Variants in KLHL1 observed in about 807,000 individuals in gnomAD.
KLHL1 encodes kelch like family member 1, also known as kelch-like protein 1.
Under a neutral mutation model 77.7 loss-of-function variants are expected in KLHL1, and 47 were observed. That is an observed-to-expected ratio of 0.60 (90% confidence interval 0.48 to 0.77). The LOEUF (loss-of-function observed/expected upper bound fraction) is 0.77. Ranked by LOEUF, KLHL1 falls within the 30% of genes least tolerant of loss-of-function variation. The pLI is 0.00. For synonymous variants in KLHL1, 360 were observed against 325.2 expected (o/e 1.11, Z -1.15); for missense variants, 925 against 910.8 (o/e 1.02, Z -0.20).
chr13:69,810,401 G>A (rs1329482221), intron 6 of KLHL1, among the ~76,000 whole-genome samples: 1 of 151,912 alleles, frequency 6.6e-6, no homozygotes, highest in East Asian at 1.9e-4. Flanking sequence ...CAAACCATAC[G>A]AATACATGTA....
At chr13:69,913,212 C>G (rs1291974637) in intron 4 of KLHL1, among the ~76,000 whole-genome samples, 1 of 152,136 alleles carries the variant, frequency 6.6e-6, no homozygotes, top group East Asian at 1.9e-4. Flanking sequence ...TCAAACTGGA[C>G]TCCAAGTCAC....
At chr13:69,780,704 A>ATATG (rs1876109934) in intron 7 of KLHL1, among the ~76,000 whole-genome samples, 6 of 43,692 alleles carry the variant, frequency 1.4e-4, no homozygotes, top group South Asian at 7.1e-4. Flanking sequence ...ATATATATGT[A>ATATG]TATATATATA....
intron 1 of KLHL1, among the ~76,000 whole-genome samples, chr13:70,050,670 C>T (rs547359722): frequency 1.3e-5 from 2 of 151,992 alleles, no homozygotes; most frequent in African/African-American, 4.8e-5. Flanking sequence ...TATGATGATG[C>T]AAACTTCTGC....
intron 6 of KLHL1, among the ~76,000 whole-genome samples, chr13:69,805,337 G>C (rs76197643): frequency 0.011 from 1,602 of 151,964 alleles, 28 homozygotes; most frequent in African/African-American, 0.037. Flanking sequence ...CCAGCATTTT[G>C]CTTGCTATTA....
In KLHL1 at chr13:70,108,300, C is replaced by T. The variant is rs554504010; in HGVS notation, c.-601G>A. The T allele has an allele frequency of 3.7e-5, 13 of 351,088 alleles. No homozygotes were observed. Among genetic ancestry groups the T allele is most frequent in the African/African-American group, 2.5e-4 (12 of 47,784 alleles). The allele number at this position is 351,088 out of a possible 1,614,324, so 21.7% of individuals were successfully genotyped here. On this transcript the variant is annotated 5_prime_UTR_variant, in exon 1 of 11. Transcript: ENST00000377844. The stretch of plus-strand genomic sequence containing the variant: ...TTTCGAGGATGCCCCGATAGCCTGC[C>T]GGGTGGCTCTGAGAAAGTCAATTGC...
chr13:70,101,949 G>T (rs1446358947), intron 1 of KLHL1, among the ~76,000 whole-genome samples: 2 of 105,436 alleles, frequency 1.9e-5, no homozygotes, highest in Admixed American at 8.6e-5. Context: ...GGATAAAGTA[G>T]CAAAAAAAAA....
intron 4 of KLHL1, among the ~76,000 whole-genome samples, chr13:69,900,508 C>T (rs1032364204): frequency 1.3e-5 from 2 of 152,130 alleles, no homozygotes; most frequent in Non-Finnish European, 2.9e-5. Flanking sequence ...AATCCACTTA[C>T]GAATATGTGC....
At chr13:69,877,220 A>G (rs1393486864) in intron 5 of KLHL1, among the ~76,000 whole-genome samples, 1 of 152,168 alleles carries the variant, frequency 6.6e-6, no homozygotes, top group Non-Finnish European at 1.5e-5. Context: ...AAAGCCATTC[A>G]TTAGAAAATA....
At chr13:70,012,919 T>A (rs1885573543) in intron 1 of KLHL1, among the ~76,000 whole-genome samples, 1 of 151,610 alleles carries the variant, frequency 6.6e-6, no homozygotes, top group Non-Finnish European at 1.5e-5. Context: ...ATAATAATAA[T>A]AAATAAATAT....
chr13:69,805,280 T>C (rs1299150258), intron 6 of KLHL1, among the ~76,000 whole-genome samples: 1 of 151,982 alleles, frequency 6.6e-6, no homozygotes, highest in Non-Finnish European at 1.5e-5. Context: ...AAGTTTACCA[T>C]TAAACTTAAT....
At chr13:69,725,479 TAGTA>T (rs1873252167) in intron 8 of KLHL1, among the ~76,000 whole-genome samples, 1 of 152,136 alleles carries the variant, frequency 6.6e-6, no homozygotes, top group African/African-American at 2.4e-5. Context: ...TATACCTAGT[TAGTA>T]AGATGCTGGA....
intron 6 of KLHL1, among the ~76,000 whole-genome samples, chr13:69,798,853 A>G (rs1877247245): frequency 6.6e-6 from 1 of 152,088 alleles, no homozygotes; most frequent in South Asian, 2.1e-4. Flanking sequence ...GAATCATCTG[A>G]GGTCAGGAGA....
At chr13:70,039,222 G>A (rs1008020291) in intron 1 of KLHL1, among the ~76,000 whole-genome samples, 1 of 151,364 alleles carries the variant, frequency 6.6e-6, no homozygotes, top group Admixed American at 6.6e-5. Context: ...GTGCACACCA[G>A]CATGCCCAGC....
chr13:70,029,331 A>G (rs1886033599), intron 1 of KLHL1, among the ~76,000 whole-genome samples: 1 of 152,206 alleles, frequency 6.6e-6, no homozygotes, highest in Non-Finnish European at 1.5e-5. Flanking sequence ...ACTGTAGAAT[A>G]TAGTATTGCT....
At chr13:69,743,255 C>A (rs1251626829) in intron 7 of KLHL1, among the ~76,000 whole-genome samples, 3 of 125,786 alleles carry the variant, frequency 2.4e-5, no homozygotes, top group African/African-American at 1.0e-4. Context: ...TATGTGATTG[C>A]TATGACATTT....
In KLHL1 at chr13:69,870,784, C is replaced by G. The variant is rs117272803; in HGVS notation, c.1227+11499G>C. Reference sequence around the variant, plus strand: ...AAGCAGGAGAGACATTAAATCTTGACACTCCAAAATCATCTCCTGTAACTC... The same window carrying G: ...AAGCAGGAGAGACATTAAATCTTGAGACTCCAAAATCATCTCCTGTAACTC... On this transcript the variant is annotated intron_variant, in intron 5 of 10. Coordinates refer to ENST00000377844, the MANE Select transcript of KLHL1 (RefSeq NM_020866.3). Among the ~76,000 whole-genome samples the G allele has an allele frequency of 9.9e-3, 1,509 of 151,988 alleles. 11 individuals carry two copies. Among genetic ancestry groups the G allele is most frequent in the Middle Eastern group, 0.044 (13 of 294 alleles).
At chr13:69,773,851 G>C (rs1875694180) in intron 7 of KLHL1, among the ~76,000 whole-genome samples, 1 of 146,252 alleles carries the variant, frequency 6.8e-6, no homozygotes, top group African/African-American at 2.6e-5. Flanking sequence ...GGCACCCAGA[G>C]AAAGTCCTTG....
At chr13:69,841,969 G>A (rs1480699993) in intron 5 of KLHL1, among the ~76,000 whole-genome samples, 1 of 151,828 alleles carries the variant, frequency 6.6e-6, no homozygotes, top group African/African-American at 2.4e-5. Flanking sequence ...ATGGTGCTGG[G>A]AAAATTGGAT....
At chr13:70,010,429 T>C (rs1367338656) in intron 1 of KLHL1, among the ~76,000 whole-genome samples, 1 of 152,160 alleles carries the variant, frequency 6.6e-6, no homozygotes, top group African/African-American at 2.4e-5. Context: ...AGTGTGGTTG[T>C]TCTAAATATA....
Sources: gnomAD v4.1 joint callset for allele counts (sites outside exome capture counted in the v4.1 genomes callset) on GRCh38, gnomAD v4.1.1 for gene constraint, MANE v1.5 for transcripts, NCBI Gene and HGNC (gene_info 2026-07-23, HGNC 2026-07-21) for gene names.